Variants in GPR149 observed in about 807,000 individuals in gnomAD.
The protein encoded by GPR149 is probable G protein-coupled receptor 149.
A neutral mutation model predicts 50.2 loss-of-function variants in GPR149; 50 were observed. That is an observed-to-expected ratio of 1.00 (90% confidence interval 0.79 to 1.26). The LOEUF (loss-of-function observed/expected upper bound fraction) is 1.26, where lower values mean the gene tolerates loss of function less well. Ranked by LOEUF, GPR149 falls within the 50% of genes most tolerant of loss-of-function variation. The pLI is 0.00. For synonymous variants in GPR149, 405 were observed against 358.2 expected, an observed-to-expected ratio of 1.13 and a Z score of -1.48; for missense variants, 983 against 895.4, an observed-to-expected ratio of 1.10 and a Z score of -1.25.
intron 3 of GPR149, among the ~76,000 whole-genome samples, chr3:154,407,120 C>T (rs140540137): frequency 1.1e-4 from 17 of 152,244 alleles, no homozygotes; most frequent in Middle Eastern, 3.4e-3. Context: ...CCCACTGGGT[C>T]CCTCCCATAA....
intron 2 of GPR149, among the ~76,000 whole-genome samples, chr3:154,422,056 T>TA (rs1437727993): frequency 2.0e-5 from 3 of 151,642 alleles, no homozygotes; most frequent in African/African-American, 4.8e-5. Flanking sequence ...TTTTAAATTT[T>TA]AAAAAATAAC....
At chr3:154,415,770 A>G (rs2108426469) in intron 3 of GPR149, among the ~76,000 whole-genome samples, 1 of 152,050 alleles carries the variant, frequency 6.6e-6, no homozygotes, top group East Asian at 1.9e-4. Flanking sequence ...TACAATAATT[A>G]TAAGTTAGTT....
intron 3 of GPR149, among the ~76,000 whole-genome samples, chr3:154,349,724 T>C (rs1020251505): frequency 1.3e-5 from 2 of 152,184 alleles, no homozygotes; most frequent in Non-Finnish European, 2.9e-5. Context: ...AAGGAATACT[T>C]CTTGATTCAT....
chr3:154,365,719 T>G (rs1714517284), intron 3 of GPR149, among the ~76,000 whole-genome samples: 1 of 152,202 alleles, frequency 6.6e-6, no homozygotes, highest in South Asian at 2.1e-4. Flanking sequence ...GACATGAACA[T>G]AATTCAGGCA....
At chr3:154,399,160 G>T (rs1260854064) in intron 3 of GPR149, among the ~76,000 whole-genome samples, 1 of 151,918 alleles carries the variant, frequency 6.6e-6, no homozygotes, top group African/African-American at 2.4e-5. Context: ...AAGTTTTAAC[G>T]TCTGGAGGAG....
At chr3:154,364,125 G>A (rs914142799) in intron 3 of GPR149, among the ~76,000 whole-genome samples, 2 of 152,348 alleles carry the variant, frequency 1.3e-5, no homozygotes, top group South Asian at 4.1e-4. Flanking sequence ...GAGTGAAGAA[G>A]TGAAGCCACT....
At chr3:154,376,706 A>C (rs1714799285) in intron 3 of GPR149, among the ~76,000 whole-genome samples, 1 of 152,194 alleles carries the variant, frequency 6.6e-6, no homozygotes, top group African/African-American at 2.4e-5. Flanking sequence ...CTTTATCTAA[A>C]AATATACATG....
In GPR149 at chr3:154,428,716, C is replaced by A; in HGVS notation, c.900G>T (p.Arg300Ser). 1 of 1,614,150 alleles carries A rather than the reference C, an allele frequency of 6.2e-7. No homozygotes were observed. The change falls in exon 1 of 4, where the codon AGG becomes AGT. Residue 300 changes from arginine to serine, a missense_variant. Physicochemically the swap from Arg to Ser is moderately radical, Grantham distance 110. Transcript: ENST00000389740. Reference sequence around the variant, plus strand: ...TCTGCGCTACGCTCACGGTGAAGCTCCTGGTGCCATAGAGAGTCCCCCGGT... The same window carrying A: ...TCTGCGCTACGCTCACGGTGAAGCTACTGGTGCCATAGAGAGTCCCCCGGT... ...RENRGTLYGT[R>S]SFTVSVAQKR...
intron 3 of GPR149, 67 bp downstream of exon 3, chr3:154,420,972 A>G: frequency 1.8e-6 from 2 of 1,129,558 alleles, no homozygotes; most frequent in Non-Finnish European, 2.5e-6. Context: ...ACAACTGATA[A>G]TGTTTTTCAT....
intron 3 of GPR149, among the ~76,000 whole-genome samples, chr3:154,406,234 C>T (rs1210705530): frequency 6.6e-6 from 1 of 152,126 alleles, no homozygotes. Flanking sequence ...TCTCTCCTAT[C>T]ACACTGGAAA....
rs1713652082 is a variant in GPR149 at position 154,336,149 on chromosome 3, T to G, written c.*1550A>C. The G allele has an allele frequency of 6.6e-6, 1 of 152,098 alleles. No homozygotes were observed. Among genetic ancestry groups the G allele is most frequent in the Admixed American group, 6.6e-5 (1 of 15,262 alleles). 9.4% of individuals were successfully genotyped at this position (152,098 alleles called of 1,614,324 possible). A position where few individuals can be genotyped will look rare whatever the true frequency, so the allele number is the denominator to read the frequency against. On this transcript the variant is annotated 3_prime_UTR_variant, in exon 4 of 4. Transcript: ENST00000389740. Reference sequence around the variant, plus strand: ...TTATTTGAGGCTTGCTTTACAAACATTATTAGTGGTAATACATATGTTTCC... The same window carrying G: ...TTATTTGAGGCTTGCTTTACAAACAGTATTAGTGGTAATACATATGTTTCC...
chr3:154,406,809 A>G (rs191008153), intron 3 of GPR149, among the ~76,000 whole-genome samples: 5 of 152,326 alleles, frequency 3.3e-5, no homozygotes, highest in African/African-American at 9.6e-5. Flanking sequence ...TCAGGGAAGA[A>G]AAATGAATGA....
intron 2 of GPR149, among the ~76,000 whole-genome samples, chr3:154,426,215 T>A (rs1169704929): frequency 6.6e-6 from 1 of 152,190 alleles, no homozygotes; most frequent in Non-Finnish European, 1.5e-5. Flanking sequence ...TAAAGACAAA[T>A]GCATCTGCCA....
At chr3:154,402,527 A>G (rs1372418758) in intron 3 of GPR149, among the ~76,000 whole-genome samples, 1 of 152,238 alleles carries the variant, frequency 6.6e-6, no homozygotes, top group African/African-American at 2.4e-5. Flanking sequence ...AAGATCCATG[A>G]AAGTTTCAAA....
In GPR149 at chr3:154,429,202, C is replaced by A; in HGVS notation, c.414G>T (p.Val138=). 6.2e-7 allele frequency: 1 copy of A among 1,614,146 alleles called. No homozygotes were observed. Among genetic ancestry groups the A allele is most frequent in the Middle Eastern group, 1.7e-4 (1 of 6,048 alleles). ...ATCTTCTGGAGGCTGTCTGGCTCCC[C>A]ACACCTCTGTGCATCGTATAAAAGT... ...SYNFYTMHRG[V]GSQTASRRSG... The change falls in exon 1 of 4, where the codon GTG becomes GTT. Residue 138 remains valine (V), a synonymous_variant. Transcript: ENST00000389740.
chr3:154,357,938 C>T (rs1240877335), intron 3 of GPR149, among the ~76,000 whole-genome samples: 3 of 152,154 alleles, frequency 2.0e-5, no homozygotes, highest in Non-Finnish European at 4.4e-5. Flanking sequence ...GGCACATATA[C>T]ACCATGGAAT....
chr3:154,395,110 A>G (rs975126868), intron 3 of GPR149, among the ~76,000 whole-genome samples: 3 of 152,166 alleles, frequency 2.0e-5, no homozygotes, highest in African/African-American at 7.2e-5. Flanking sequence ...AGAAGATTTT[A>G]GAAAGAATAG....
intron 3 of GPR149, among the ~76,000 whole-genome samples, chr3:154,387,158 T>A (rs1347374931): frequency 6.6e-6 from 1 of 152,210 alleles, no homozygotes; most frequent in African/African-American, 2.4e-5. Context: ...TTATGGGTGT[T>A]GAGCACACTC....
intron 3 of GPR149, among the ~76,000 whole-genome samples, chr3:154,373,258 TCAA>T (rs1371522369): frequency 6.6e-6 from 1 of 152,088 alleles, no homozygotes; most frequent in Non-Finnish European, 1.5e-5. Flanking sequence ...TAGAACAGTG[TCAA>T]ATGCTGCTTA....
Sources: allele counts gnomAD v4.1 joint callset (sites outside exome capture counted in the v4.1 genomes callset), GRCh38; gene constraint gnomAD v4.1.1; transcripts MANE v1.5; gene names NCBI Gene and HGNC (gene_info 2026-07-23, HGNC 2026-07-21).